The following CDKL5 variants were observed in gnomAD, a reference collection of about 807,000 sequenced individuals.
The protein encoded by CDKL5 is cyclin dependent kinase like 5.
CDKL5 carries 8 observed loss-of-function variants against 61.7 expected under a neutral mutation model. The ratio of observed to expected loss-of-function variants is 0.13; its 90% CI spans 0.08 to 0.23. The LOEUF is 0.23. Ranked by LOEUF, CDKL5 falls within the 10% of genes least tolerant of loss-of-function variation. The probability of loss-of-function intolerance (pLI) is 1.00; values close to 1 mark genes in which losing one functional copy is unlikely to be tolerated. For missense variants in CDKL5, 440 were observed against 734.5 expected (o/e 0.60, Z 4.63); for synonymous variants, 275 against 272.3 (o/e 1.01, Z -0.10).
intron 1 of CDKL5, among the ~76,000 whole-genome samples, chrX:18,432,802 T>A (rs1447426370): frequency 9.0e-6 from 1 of 111,109 alleles, no homozygotes; most frequent in Non-Finnish European, 1.9e-5. Flanking sequence ...AGATGGGTTC[T>A]CACAGTTTTG....
chrX:18,558,093 G>A (rs745789784), intron 3 of CDKL5, among the ~76,000 whole-genome samples: 13 of 110,941 alleles, frequency 1.2e-4, no homozygotes, highest in Non-Finnish European at 2.5e-4. Flanking sequence ...AAGTTACCTA[G>A]TCTCTCTGTT....
At chrX:18,549,671 T>C (rs947107451) in intron 3 of CDKL5, among the ~76,000 whole-genome samples, 4 of 111,313 alleles carry the variant, frequency 3.6e-5, no homozygotes, top group African/African-American at 1.3e-4. Flanking sequence ...GTCAAAGGAA[T>C]GTGGGAAGAA....
At chrX:18,446,345 C>CT (rs1180947672) in intron 1 of CDKL5, among the ~76,000 whole-genome samples, 2 of 107,786 alleles carry the variant, frequency 1.9e-5, no homozygotes, top group African/African-American at 3.5e-5. Context: ...GAACAAAACT[C>CT]TGTCTCAGAA....
intron 1 of CDKL5, among the ~76,000 whole-genome samples, chrX:18,463,297 A>G (rs1005626487): frequency 1.4e-4 from 16 of 110,667 alleles, no homozygotes; most frequent in African/African-American, 5.3e-4. Context: ...TTCTACAAAT[A>G]ATTGCTTCTT....
At chrX:18,579,453 A>G (rs2147142274) in intron 5 of CDKL5, among the ~76,000 whole-genome samples, 1 of 110,543 alleles carries the variant, frequency 9.0e-6, no homozygotes, top group East Asian at 2.8e-4. Flanking sequence ...TCAAGGCTTG[A>G]TTTTTATCAC....
chrX:18,558,918 T>C (rs890987711), intron 3 of CDKL5, among the ~76,000 whole-genome samples: 2 of 111,746 alleles, frequency 1.8e-5, no homozygotes, highest in Non-Finnish European at 3.8e-5. Flanking sequence ...CGTGGCAAAG[T>C]GTGGTGAAGG....
At chrX:18,435,032 G>C (rs770292133) in intron 1 of CDKL5, among the ~76,000 whole-genome samples, 1 of 112,203 alleles carries the variant, frequency 8.9e-6, no homozygotes, top group Non-Finnish European at 1.9e-5. Context: ...TCATGAGGAA[G>C]ATATGACAGA....
In CDKL5 at chrX:18,431,934, G is replaced by A. The variant is rs147326374; in HGVS notation, c.-163+6239G>A. 3.8e-3 allele frequency among the ~76,000 whole-genome samples: 403 copies of A among 105,214 alleles called. 7 individuals are homozygous for A. In the East Asian group the frequency reaches 0.066, roughly 17 times the overall value. 91.4% of individuals were successfully genotyped at this position (105,214 alleles called of 115,157 possible). ...TAGACCTCTCCTTTTTTTGAGACAG[G>A]GTCTCACTCTGTTGCCTAGGCTGGA... On this transcript the variant is annotated intron_variant, in intron 1 of 17. Transcript: ENST00000623535.
At chrX:18,599,356 G>T (rs1396152032) in intron 11 of CDKL5, among the ~76,000 whole-genome samples, 2 of 112,320 alleles carry the variant, frequency 1.8e-5, no homozygotes, top group Non-Finnish European at 3.8e-5. Flanking sequence ...CCAAGAGGCT[G>T]ATCTTGTCAT....
At position 18,628,839 on chromosome X, in the gene CDKL5, C is replaced by G; in HGVS notation, c.*82C>G. On this transcript the variant is annotated 3_prime_UTR_variant, in exon 18 of 18. Coordinates refer to ENST00000623535, the MANE Select transcript of CDKL5 (RefSeq NM_001323289.2). ...GGGTGGGCTGGGCTTGGGGCATGGG[C>G]CGGGCCAAGTGGTGAGCCAATATTT... 9.2e-7 allele frequency: 1 copy of G among 1,085,969 alleles called. No individual in the cohort carries two copies. The highest frequency in any genetic ancestry group is 1.2e-6 in the Non-Finnish European group (1 of 841,072). The allele number at this position is 1,085,969 out of a possible 1,213,427, so 89.5% of individuals were successfully genotyped here.
chrX:18,634,886 GGAA>G lies in CDKL5; in HGVS notation c.*6132_*6134del. ...CTAGTAAGCTTGAAGGTGGTGTCTGGGAAGACACAGGGCAGGGTGACATTTAGA... is the reference window on the plus strand; with the variant it reads ...CTAGTAAGCTTGAAGGTGGTGTCTGGGACACAGGGCAGGGTGACATTTAGA... On this transcript the variant is annotated 3_prime_UTR_variant, in exon 18 of 18. Coordinates refer to ENST00000623535, the MANE Select transcript of CDKL5 (RefSeq NM_001323289.2). 1 of 749,209 alleles carries G rather than the reference GGAA, an allele frequency of 1.3e-6. No individual in the cohort carries two copies. The highest frequency in any genetic ancestry group is 1.6e-6 in the Non-Finnish European group (1 of 637,356). The allele number at this position is 749,209 out of a possible 1,213,427, so 61.7% of individuals were successfully genotyped here.
chrX:18,545,776 G>A (rs1924171507), intron 3 of CDKL5, among the ~76,000 whole-genome samples: 1 of 111,894 alleles, frequency 8.9e-6, no homozygotes, highest in Non-Finnish European at 1.9e-5. Context: ...TCATACCATT[G>A]ACTCTTAAAT....
At chrX:18,454,474 A>G (rs1041108917) in intron 1 of CDKL5, among the ~76,000 whole-genome samples, 10 of 106,401 alleles carry the variant, frequency 9.4e-5, no homozygotes. Context: ...TGACCTCATG[A>G]TCTGCCTGCC....
Position 18,639,617 on chromosome X carries a change from CTG to C in CDKL5, c.*10866_*10867del, listed in dbSNP as rs759015586. Among the ~76,000 whole-genome samples the C allele has an allele frequency of 1.1e-4, 12 of 112,335 alleles. No homozygotes were observed. Among genetic ancestry groups the C allele is most frequent in the African/African-American group, 3.6e-4 (11 of 30,911 alleles). On this transcript the variant is annotated 3_prime_UTR_variant, in exon 18 of 18. Transcript: ENST00000623535. ...TCCTCCAAAGATTAAACAAGAGTGA[CTG>C]TGTGTCCCAGCAGTTTTACTCCTAA... is the stretch of plus-strand genomic sequence containing the variant.
chrX:18,462,116 C>T (rs1188821986), intron 1 of CDKL5, among the ~76,000 whole-genome samples: 3 of 98,379 alleles, frequency 3.0e-5, no homozygotes, highest in African/African-American at 7.6e-5. Flanking sequence ...TATTGGTTAT[C>T]GTTAGTGTTA....
At chrX:18,513,808 T>G (rs1922910270) in intron 3 of CDKL5, among the ~76,000 whole-genome samples, 1 of 111,988 alleles carries the variant, frequency 8.9e-6, no homozygotes, top group Non-Finnish European at 1.9e-5. Flanking sequence ...AATTTGATGC[T>G]TCTGGCAAGA....
chrX:18,499,144 A>G (rs759556262), intron 1 of CDKL5, among the ~76,000 whole-genome samples: 71 of 111,874 alleles, frequency 6.3e-4, no homozygotes, highest in African/African-American at 2.0e-3. Context: ...GTGTGCTTGG[A>G]GAGGAGAAAA....
intron 3 of CDKL5, among the ~76,000 whole-genome samples, chrX:18,526,748 A>T (rs1246272765): frequency 1.8e-5 from 2 of 110,692 alleles, no homozygotes; most frequent in Admixed American, 1.9e-4. Flanking sequence ...GTGGTATATT[A>T]CATGGCTTGA....
chrX:18,629,389 A>T lies in CDKL5; in HGVS notation c.*632A>T. 2.8e-6 allele frequency: 2 copies of T among 707,172 alleles called. No homozygotes were observed. Among genetic ancestry groups the T allele is most frequent in the Non-Finnish European group, 3.4e-6 (2 of 596,781 alleles). The allele number at this position is 707,172 out of a possible 1,213,427, so 58.3% of individuals were successfully genotyped here. A position where few individuals can be genotyped will look rare whatever the true frequency, so the allele number is the denominator to read the frequency against. ...CATTGTGAAGCAGTGGGACAGCTAC[A>T]GTAGTTTCTATAAAAACTAAACAGT... On this transcript the variant is annotated 3_prime_UTR_variant, in exon 18 of 18. Coordinates refer to ENST00000623535, the MANE Select transcript of CDKL5 (RefSeq NM_001323289.2).
Sources: gnomAD v4.1 joint callset for allele counts (sites outside exome capture counted in the v4.1 genomes callset) on GRCh38, gnomAD v4.1.1 for gene constraint, MANE v1.5 for transcripts, NCBI Gene and HGNC (gene_info 2026-07-23, HGNC 2026-07-21) for gene names.